Variants in CHL1 observed in about 807,000 individuals in gnomAD.
CHL1 encodes cell adhesion molecule L1 like.
CHL1 carries 96 observed loss-of-function variants against 141.9 expected under a neutral mutation model. The observed-to-expected ratio is 0.68, with a 90% CI of 0.57 to 0.80. The LOEUF is 0.80. Ranked by LOEUF, CHL1 falls within the 30% of genes least tolerant of loss-of-function variation. The pLI, the probability that CHL1 is intolerant of heterozygous loss-of-function variation, is 0.00. For missense variants in CHL1, 1,820 were observed against 1,457.2 expected, an observed-to-expected ratio of 1.25 and a Z score of -4.05; for synonymous variants, 613 against 502.2, an observed-to-expected ratio of 1.22 and a Z score of -2.95.
rs1266174451 is a variant in CHL1, at chr3:406,888, T to G, written c.*1177T>G. On this transcript the variant is annotated 3_prime_UTR_variant, in exon 28 of 28. Transcript: ENST00000256509. ...TTTCATATTTTTCAAAATAGGTTTTTATTGTTGAATGTACATCTACCCCAG... is the reference window on the plus strand; with the variant it reads ...TTTCATATTTTTCAAAATAGGTTTTGATTGTTGAATGTACATCTACCCCAG... 2 of 152,152 alleles carry G rather than the reference T, an allele frequency of 1.3e-5. No homozygotes were observed. The highest frequency in any genetic ancestry group is 4.8e-5 in the African/African-American group (2 of 41,448). 9.4% of individuals were successfully genotyped at this position (152,152 alleles called of 1,614,324 possible). A position where few individuals can be genotyped will look rare whatever the true frequency, so the allele number is the denominator to read the frequency against.
intron 2 of CHL1, among the ~76,000 whole-genome samples, chr3:254,828 C>G (rs1232161214): frequency 6.6e-6 from 1 of 152,144 alleles, no homozygotes; most frequent in Non-Finnish European, 1.5e-5. Flanking sequence ...TAATCCCATT[C>G]ATGAGGGAGG....
intron 1 of CHL1, among the ~76,000 whole-genome samples, chr3:225,805 T>G (rs374325890): frequency 6.6e-6 from 1 of 151,966 alleles, no homozygotes; most frequent in Non-Finnish European, 1.5e-5. Flanking sequence ...GTCAGGAGAT[T>G]GAGGCCATCC....
At chr3:359,601 C>A (rs1190446675) in intron 11 of CHL1, among the ~76,000 whole-genome samples, 8 of 152,158 alleles carry the variant, frequency 5.3e-5, no homozygotes, top group Non-Finnish European at 8.8e-5. Context: ...CCATGCCCAG[C>A]CTCATGTTAG....
Position 382,632 on chromosome 3 carries a change from C to A in CHL1, c.2137C>A (p.Pro713Thr). 6.2e-7 allele frequency: 1 copy of A among 1,613,712 alleles called. No individual in the cohort carries two copies. Among genetic ancestry groups the A allele is most frequent in the Non-Finnish European group, 8.5e-7 (1 of 1,179,808 alleles). Reference sequence around the variant, plus strand: ...CGTGAACGAAGTAGGGAGAAGTCAGCCTAGCCAGCCGTCAGACCATCATGA... The same window carrying A: ...CGTGAACGAAGTAGGGAGAAGTCAGACTAGCCAGCCGTCAGACCATCATGA... ...IAVNEVGRSQ[P>T]SQPSDHHETP... Residue 713 changes from proline to threonine, a missense_variant, in exon 18 of 28, where the codon CCT (proline) becomes ACT (threonine). Coordinates refer to ENST00000256509, the MANE Select transcript of CHL1 (RefSeq NM_006614.4).
intron 2 of CHL1, among the ~76,000 whole-genome samples, chr3:301,963 T>C (rs761867278): frequency 1.3e-5 from 2 of 152,204 alleles, no homozygotes; most frequent in Non-Finnish European, 2.9e-5. Flanking sequence ...GTGTTCTCCT[T>C]GTTCAACTCC....
chr3:258,614 A>T (rs764425806), intron 2 of CHL1, among the ~76,000 whole-genome samples: 9 of 152,206 alleles, frequency 5.9e-5, no homozygotes, highest in African/African-American at 1.4e-4. Flanking sequence ...CAGCTCCTTC[A>T]ACTTTTCCGT....
At position 319,727 on chromosome 3, in the gene CHL1, G is replaced by A; in HGVS notation, c.-50G>A. ...CTCAGCTGTAAACCAAAAGTGAGAGGAGACATTAAGATTTTCATTCTTACC... is the reference window on the plus strand; with the variant it reads ...CTCAGCTGTAAACCAAAAGTGAGAGAAGACATTAAGATTTTCATTCTTACC... On this transcript the variant is annotated 5_prime_UTR_variant, in exon 3 of 28. Coordinates refer to ENST00000256509, the MANE Select transcript of CHL1 (RefSeq NM_006614.4). The A allele has an allele frequency of 1.7e-6, 2 of 1,209,404 alleles. No homozygotes were observed. Among genetic ancestry groups the A allele is most frequent in the South Asian group, 1.3e-5 (1 of 79,072 alleles). 74.9% of individuals were successfully genotyped at this position (1,209,404 alleles called of 1,614,324 possible).
At chr3:305,179 G>T (rs991712806) in intron 2 of CHL1, among the ~76,000 whole-genome samples, 30 of 152,126 alleles carry the variant, frequency 2.0e-4, no homozygotes, top group Non-Finnish European at 4.0e-4. Context: ...AATCTCTACA[G>T]TAAGGAAGAA....
rs1266012181 is a variant in CHL1 at position 398,245 on chromosome 3, T to C, written c.3113T>C (p.Ile1038Thr). ...LGEGSKGIGK[I>T]SGVNLTQKTH... ...TTCTTAGGTAAAGGTATCGGGAAGA[T>C]ATCAGGAGTAAATCTTACTCAAAAG... The change falls in exon 25 of 28, where the codon ATA becomes ACA. Residue 1038 changes from isoleucine (I) to threonine (T), a missense_variant. By Grantham distance (89) the Ile-to-Thr change is moderately conservative (BLOSUM62 -1). Coordinates refer to ENST00000256509, the MANE Select transcript of CHL1 (RefSeq NM_006614.4). 5 of 1,602,468 alleles carry C rather than the reference T, an allele frequency of 3.1e-6. No homozygotes were observed. The highest frequency in any genetic ancestry group is 3.4e-6 in the Non-Finnish European group (4 of 1,171,280).
At chr3:280,296 C>A (rs1252649319) in intron 2 of CHL1, among the ~76,000 whole-genome samples, 1 of 151,374 alleles carries the variant, frequency 6.6e-6, no homozygotes, top group African/African-American at 2.4e-5. Context: ...TTTCAGGAGA[C>A]TGTGGCACTG....
intron 2 of CHL1, among the ~76,000 whole-genome samples, chr3:261,898 G>A (rs1032009490): frequency 3.3e-5 from 5 of 151,820 alleles, no homozygotes; most frequent in South Asian, 2.1e-4. Context: ...TCGAGTTTGG[G>A]AATTTTTAGC....
At chr3:332,425 G>C (rs2125098594) in intron 5 of CHL1, among the ~76,000 whole-genome samples, 1 of 152,202 alleles carries the variant, frequency 6.6e-6, no homozygotes, top group African/African-American at 2.4e-5. Flanking sequence ...TGGAAGTGGG[G>C]GTTGAGATCA....
In CHL1 at chr3:208,580, A is replaced by C. The variant is rs7634793; in HGVS notation, c.-175+11517A>C. Among the ~76,000 whole-genome samples, 1,165 of 152,266 alleles carry C rather than the reference A, an allele frequency of 7.7e-3. 13 individuals carry two copies. Among genetic ancestry groups the C allele is most frequent in the African/African-American group, 0.027 (1,124 of 41,548 alleles). ...AAGGCTTGGTTCTAGGCCTTTATTC[A>C]ACCAGATTTACATTGTGGTTTATTA... On this transcript the variant is annotated intron_variant, in intron 1 of 27. Transcript: ENST00000256509.
At chr3:370,257 A>G (rs905243000) in intron 15 of CHL1, among the ~76,000 whole-genome samples, 1 of 152,196 alleles carries the variant, frequency 6.6e-6, no homozygotes, top group African/African-American at 2.4e-5. Context: ...ACTATTAATT[A>G]CTGCCTCAAT....
intron 1 of CHL1, among the ~76,000 whole-genome samples, chr3:238,246 A>G (rs1012528582): frequency 7.2e-5 from 11 of 152,088 alleles, no homozygotes; most frequent in African/African-American, 2.7e-4. Context: ...CTTTCGGGTA[A>G]ATGTTAGCTG....
At chr3:370,368 T>G (rs1020182996) in intron 15 of CHL1, among the ~76,000 whole-genome samples, 3 of 152,222 alleles carry the variant, frequency 2.0e-5, no homozygotes, top group African/African-American at 7.2e-5. Flanking sequence ...TTCTAGATTT[T>G]CTAGTTTATT....
chr3:307,223 A>T (rs1699316104), intron 2 of CHL1, among the ~76,000 whole-genome samples: 1 of 152,250 alleles, frequency 6.6e-6, no homozygotes, highest in African/African-American at 2.4e-5. Flanking sequence ...TGGCAAGGAC[A>T]GTCTTAGGAT....
At chr3:395,973 G>C (rs745726863) in intron 24 of CHL1, among the ~76,000 whole-genome samples, 1 of 152,160 alleles carries the variant, frequency 6.6e-6, no homozygotes, top group Non-Finnish European at 1.5e-5. Context: ...GAATGGTTAT[G>C]CTCTGACCTT....
In CHL1 at chr3:267,498, C is replaced by CTGTT. The variant is rs543887181; in HGVS notation, c.-95+22807_-95+22810dup. 8.3e-4 allele frequency among the ~76,000 whole-genome samples: 127 copies of CTGTT among 152,292 alleles called. 4 individuals are homozygous for CTGTT. In the South Asian group the frequency reaches 0.022, roughly 26 times the overall value. Reference sequence around the variant, plus strand: ...TTAGTATTAAGAAGTTTTCTAGTAGCTGTTCTCTTAAAATTACGAGGATTT... The same window carrying CTGTT: ...TTAGTATTAAGAAGTTTTCTAGTAGCTGTTTGTTCTCTTAAAATTACGAGGATTT... On this transcript the variant is annotated intron_variant, in intron 2 of 27. Transcript: ENST00000256509.
Sources: allele counts gnomAD v4.1 joint callset (sites outside exome capture counted in the v4.1 genomes callset), GRCh38; gene constraint gnomAD v4.1.1; transcripts MANE v1.5; gene names NCBI Gene and HGNC (gene_info 2026-07-23, HGNC 2026-07-21).